Variants in TXLNB observed in about 807,000 individuals in gnomAD.
TXLNB encodes beta-taxilin.
TXLNB carries 37 observed loss-of-function variants against 57.4 expected under a neutral mutation model. That is an observed-to-expected ratio of 0.64 (90% CI 0.50 to 0.85). The LOEUF (loss-of-function observed/expected upper bound fraction) is 0.85, where lower values mean the gene tolerates loss of function less well. Ranked by LOEUF, TXLNB falls within the 40% of genes least tolerant of loss-of-function variation. The probability of loss-of-function intolerance (pLI) is 0.00; values close to 1 mark genes in which losing one functional copy is unlikely to be tolerated. For synonymous variants in TXLNB, 302 were observed against 309.6 expected (o/e 0.98, Z 0.26); for missense variants, 848 against 825.6 (o/e 1.03, Z -0.33).
intron 2 of TXLNB, among the ~76,000 whole-genome samples, chr6:139,287,834 G>A (rs114944481): frequency 0.011 from 1,713 of 152,012 alleles, 38 homozygotes; most frequent in African/African-American, 0.035. Flanking sequence ...TCCTTTTCCC[G>A]TTTTTGCACT....
chr6:139,203,554 T>G, the TXLNB span: 1 of 152,280 alleles, frequency 6.6e-6, no homozygotes, highest in African/African-American at 2.4e-5. Flanking sequence ...CAATGTACTC[T>G]TCTGGCTTTT....
downstream of TXLNB, among the ~76,000 whole-genome samples, chr6:139,238,170 G>A (rs1775857105): frequency 6.6e-6 from 1 of 152,158 alleles, no homozygotes; most frequent in African/African-American, 2.4e-5. Context: ...AAGGCAGGCA[G>A]ATTACTTGAG....
chr6:139,195,055 G>T, the TXLNB span, among the ~76,000 whole-genome samples: 1 of 152,160 alleles, frequency 6.6e-6, no homozygotes, highest in Non-Finnish European at 1.5e-5. Context: ...AGCGTTAGCT[G>T]GGCTTCATTC....
At chr6:139,292,523 T>G (rs1352278840), upstream of TXLNB, among the ~76,000 whole-genome samples, 1 of 152,164 alleles carries the variant, frequency 6.6e-6, no homozygotes. This position sits in a 1 kb window ranked among gnomAD's most constrained non-coding sequence, Gnocchi z 4.0. Flanking sequence ...GTGGAACCAT[T>G]TTAATTCTGA....
chr6:139,280,607 C>T (rs1278373702), intron 2 of TXLNB, among the ~76,000 whole-genome samples: 1 of 152,202 alleles, frequency 6.6e-6, no homozygotes. Flanking sequence ...TTGGCCACTC[C>T]ACTCCAGCCT....
chr6:139,246,016 A>T (rs1185924678), intron 8 of TXLNB, among the ~76,000 whole-genome samples: 1 of 152,186 alleles, frequency 6.6e-6, no homozygotes, highest in African/African-American at 2.4e-5. Flanking sequence ...CTTTAAGGTC[A>T]TCAATCTTTT....
chr6:139,261,171 T>G (rs948728586), intron 5 of TXLNB, among the ~76,000 whole-genome samples: 1 of 152,182 alleles, frequency 6.6e-6, no homozygotes, highest in East Asian at 1.9e-4. Context: ...AATTCTCCCC[T>G]TGGGCTTTAC....
At chr6:139,317,746 T>C in the TXLNB span, among the ~76,000 whole-genome samples, 1 of 152,036 alleles carries the variant, frequency 6.6e-6, no homozygotes, top group East Asian at 1.9e-4. Flanking sequence ...TTTATAAATA[T>C]AAAATTTTGC....
At chr6:139,314,031 A>G in the TXLNB span, among the ~76,000 whole-genome samples, 1 of 152,218 alleles carries the variant, frequency 6.6e-6, no homozygotes, top group African/African-American at 2.4e-5. Context: ...ACCAAATTCC[A>G]ACCTGACCCG....
chr6:139,301,912 AC>A, the TXLNB span, among the ~76,000 whole-genome samples: 1 of 152,202 alleles, frequency 6.6e-6, no homozygotes, highest in Non-Finnish European at 1.5e-5. Flanking sequence ...AAAGCAAGGA[AC>A]CCTTGACAGG....
chr6:139,216,620 TATAATA>T, the TXLNB span, among the ~76,000 whole-genome samples: 3 of 151,898 alleles, frequency 2.0e-5, no homozygotes, highest in African/African-American at 7.3e-5. Flanking sequence ...AAACTTAAAG[TATAATA>T]ATAATAATTT....
the TXLNB span, among the ~76,000 whole-genome samples, chr6:139,168,602 A>G: frequency 6.6e-6 from 1 of 151,906 alleles, no homozygotes; most frequent in East Asian, 1.9e-4. Context: ...TGGTGCACTC[A>G]GGACCTGGTG....
the TXLNB span, among the ~76,000 whole-genome samples, chr6:139,297,023 A>G: frequency 6.6e-6 from 1 of 152,130 alleles, no homozygotes; most frequent in Non-Finnish European, 1.5e-5. Flanking sequence ...TAGTCTTTCC[A>G]GTCTACCAGG....
At chr6:139,266,965 G>GAA (rs201223278) in intron 4 of TXLNB, among the ~76,000 whole-genome samples, 18,725 of 110,338 alleles carry the variant, frequency 0.17, 2,672 homozygotes, top group African/African-American at 0.38. Flanking sequence ...AGGCTAAAAG[G>GAA]AAAAAAAAAA....
chr6:139,216,912 G>T, the TXLNB span, among the ~76,000 whole-genome samples: 2 of 152,180 alleles, frequency 1.3e-5, no homozygotes, highest in African/African-American at 2.4e-5. Context: ...ATTGGGTACA[G>T]TGTACACTGC....
the TXLNB span, among the ~76,000 whole-genome samples, chr6:139,195,602 G>T: frequency 1.6e-4 from 24 of 152,266 alleles, 1 homozygote; most frequent in African/African-American, 5.5e-4. Context: ...TTTACATGAG[G>T]TCCATCTTTA....
chr6:139,303,260 T>A, the TXLNB span, among the ~76,000 whole-genome samples: 6 of 152,148 alleles, frequency 3.9e-5, no homozygotes, highest in Non-Finnish European at 8.8e-5. Context: ...TTCCATGTAA[T>A]GTTACTCGCT....
At chr6:139,180,076 A>G in the TXLNB span, 1 of 152,164 alleles carries the variant, frequency 6.6e-6, no homozygotes, top group African/African-American at 2.4e-5. Context: ...TTATACTTTA[A>G]AAGATAGACA....
At chr6:139,211,929 A>G in the TXLNB span, among the ~76,000 whole-genome samples, 1 of 152,212 alleles carries the variant, frequency 6.6e-6, no homozygotes. Context: ...AGTTTAGAGA[A>G]AAAAGAATAA....
Sources: gnomAD v4.1 joint callset for allele counts (sites outside exome capture counted in the v4.1 genomes callset) on GRCh38, gnomAD v4.1.1 for gene constraint, Gnocchi (gnomAD v3.1) non-coding constraint, MANE v1.5 for transcripts, NCBI Gene and HGNC (gene_info 2026-07-23, HGNC 2026-07-21) for gene names.